Variants in C7orf33 observed in about 807,000 individuals in gnomAD.
C7orf33 encodes uncharacterized protein C7orf33.
A neutral mutation model predicts 13.4 loss-of-function variants in C7orf33; 15 were observed. The ratio of observed to expected loss-of-function variants is 1.12; its 90% confidence interval spans 0.75 to 1.72. The LOEUF is 1.72. C7orf33 is among the 40% of genes most tolerant of loss of function. The pLI is 0.00. For synonymous variants in C7orf33, 73 were observed against 83.2 expected, an observed-to-expected ratio of 0.88 and a Z score of 0.67; for missense variants, 187 against 220.3, an observed-to-expected ratio of 0.85 and a Z score of 0.96.
chr7:148,609,368 G>A (rs1337317128), intron 1 of C7orf33, among the ~76,000 whole-genome samples: 1 of 152,172 alleles, frequency 6.6e-6, no homozygotes, highest in African/African-American at 2.4e-5. Flanking sequence ...AACAATGGCA[G>A]GGCATATGGG....
intron 1 of C7orf33, among the ~76,000 whole-genome samples, chr7:148,613,829 A>G (rs1156509293): frequency 6.6e-6 from 1 of 152,222 alleles, no homozygotes; most frequent in African/African-American, 2.4e-5. Context: ...ATAAAAATTA[A>G]AATGGTGTGT....
intron 1 of C7orf33, among the ~76,000 whole-genome samples, chr7:148,599,024 G>A (rs1050431619): frequency 6.6e-6 from 1 of 151,518 alleles, no homozygotes; most frequent in Non-Finnish European, 1.5e-5. Context: ...CACCACACCT[G>A]GCTAATTTTT....
chr7:148,612,388 A>G (rs1418230234), intron 1 of C7orf33, among the ~76,000 whole-genome samples: 1 of 152,218 alleles, frequency 6.6e-6, no homozygotes, highest in Non-Finnish European at 1.5e-5. Context: ...ATGACAAAAG[A>G]AAAAATAGAG....
intron 1 of C7orf33, among the ~76,000 whole-genome samples, chr7:148,603,172 G>A (rs752949821): frequency 1.3e-5 from 2 of 152,182 alleles, no homozygotes; most frequent in Non-Finnish European, 2.9e-5. Context: ...AGGAAAGCCA[G>A]GTTCCTAGCG....
chr7:148,603,135 C>G (rs1796435215), intron 1 of C7orf33, among the ~76,000 whole-genome samples: 1 of 152,176 alleles, frequency 6.6e-6, no homozygotes, highest in African/African-American at 2.4e-5. Context: ...CTGAAGCAGT[C>G]AGATGAGAAC....
At chr7:148,612,747 T>C (rs1796558266) in intron 1 of C7orf33, among the ~76,000 whole-genome samples, 1 of 151,946 alleles carries the variant, frequency 6.6e-6, no homozygotes, top group Admixed American at 6.6e-5. Context: ...ACGTGCTGGC[T>C]GGTGAGGATG....
At chr7:148,592,039 C>T (rs1231789678) in intron 1 of C7orf33, among the ~76,000 whole-genome samples, 2 of 152,206 alleles carry the variant, frequency 1.3e-5, no homozygotes, top group Non-Finnish European at 2.9e-5. Context: ...CCTAGTTCTC[C>T]AGCCCTAATT....
At chr7:148,613,101 A>G (rs557330641) in intron 1 of C7orf33, among the ~76,000 whole-genome samples, 2 of 152,270 alleles carry the variant, frequency 1.3e-5, no homozygotes, top group South Asian at 4.2e-4. Context: ...TCTTCTATCT[A>G]GCTGTCATTT....
At chr7:148,610,627 T>TTACAACAGAGG (rs1796526682) in intron 1 of C7orf33, among the ~76,000 whole-genome samples, 1 of 152,132 alleles carries the variant, frequency 6.6e-6, no homozygotes, top group Non-Finnish European at 1.5e-5. Flanking sequence ...GGAACCCTAA[T>TTACAACAGAGG]ACAACTTCCG....
intron 1 of C7orf33, among the ~76,000 whole-genome samples, chr7:148,610,476 C>T (rs1796525246): frequency 6.6e-6 from 1 of 152,170 alleles, no homozygotes; most frequent in African/African-American, 2.4e-5. Flanking sequence ...AGTTTTGGGA[C>T]TCGGACTGGC....
intron 1 of C7orf33, among the ~76,000 whole-genome samples, chr7:148,597,612 A>G (rs1796354708): frequency 6.6e-6 from 1 of 152,140 alleles, no homozygotes; most frequent in Non-Finnish European, 1.5e-5. Context: ...AAGTCATCAA[A>G]TAACATAACA....
chr7:148,593,956 G>A (rs1237389848), intron 1 of C7orf33, among the ~76,000 whole-genome samples: 5 of 152,168 alleles, frequency 3.3e-5, no homozygotes, highest in African/African-American at 1.2e-4. Context: ...TCTTGGTGCT[G>A]TCCTTGCGAT....
intron 1 of C7orf33, among the ~76,000 whole-genome samples, chr7:148,608,445 A>G (rs1358697980): frequency 6.6e-6 from 1 of 151,056 alleles, no homozygotes; most frequent in African/African-American, 2.4e-5. Flanking sequence ...AATAATAATA[A>G]TAATAAGTCC....
At chr7:148,597,009 C>G (rs1195791903) in intron 1 of C7orf33, among the ~76,000 whole-genome samples, 4 of 152,078 alleles carry the variant, frequency 2.6e-5, no homozygotes, top group African/African-American at 9.7e-5. Context: ...CCTTTTAGTG[C>G]TGAGTAATAT....
chr7:148,613,899 CTT>C, intron 1 of C7orf33, 141 bp from the exon 2 acceptor site: 1 of 906,104 alleles, frequency 1.1e-6, no homozygotes, highest in South Asian at 1.8e-5. Flanking sequence ...TCCAGAATAT[CTT>C]TGTCTATAAT....
At position 148,598,725 on chromosome 7, in the gene C7orf33, GATATATATATATAT is replaced by G. The variant is rs1161811167; in HGVS notation, c.204+7622_204+7635del. Among the ~76,000 whole-genome samples, 181 of 24,360 alleles carry G rather than the reference GATATATATATATAT, an allele frequency of 7.4e-3. 2 individuals are homozygous for G. Among genetic ancestry groups the G allele is most frequent in the Non-Finnish European group, 0.01 (126 of 12,534 alleles). 16.0% of individuals were successfully genotyped at this position (24,360 alleles called of 152,430 possible). The stretch of plus-strand genomic sequence containing the variant: ...ATATATAAAAAAAATTTCATTCCTG[GATATATATATATAT>G]ATATATATATATATATATATATATA... On this transcript the variant is annotated intron_variant, in intron 1 of 2. Transcript: ENST00000307003.
At chr7:148,602,840 ATAAG>A (rs1219067174) in intron 1 of C7orf33, among the ~76,000 whole-genome samples, 1 of 152,248 alleles carries the variant, frequency 6.6e-6, no homozygotes, top group Non-Finnish European at 1.5e-5. Flanking sequence ...TGGATACAAA[ATAAG>A]TATGTGAACT....
chr7:148,610,199 G>A (rs1318689299), intron 1 of C7orf33, among the ~76,000 whole-genome samples: 1 of 152,166 alleles, frequency 6.6e-6, no homozygotes, highest in East Asian at 1.9e-4. Flanking sequence ...TAATTCTGTC[G>A]ACTTGATTGG....
At chr7:148,598,022 T>C (rs1267243901) in intron 1 of C7orf33, among the ~76,000 whole-genome samples, 1 of 152,216 alleles carries the variant, frequency 6.6e-6, no homozygotes, top group African/African-American at 2.4e-5. Context: ...CCAAAAGTAT[T>C]GGGATTACAG....
Sources: allele counts gnomAD v4.1 joint callset (sites outside exome capture counted in the v4.1 genomes callset), GRCh38; gene constraint gnomAD v4.1.1; transcripts MANE v1.5; gene names NCBI Gene and HGNC (gene_info 2026-07-23, HGNC 2026-07-21).